The following CDH13 variants were observed in gnomAD, a reference collection of about 807,000 sequenced individuals.
CDH13 encodes cadherin-13.
In CDH13, 24 loss-of-function variants were observed where a neutral mutation model predicts 63.8. The observed-to-expected ratio is 0.38, with a 90% confidence interval of 0.27 to 0.53. The LOEUF (loss-of-function observed/expected upper bound fraction) is 0.53. Ranked by LOEUF, CDH13 falls within the 20% of genes least tolerant of loss-of-function variation. The pLI, the probability that CDH13 is intolerant of heterozygous loss-of-function variation, is 0.85. For synonymous variants in CDH13, 503 were observed against 355.3 expected (o/e 1.42, Z -4.67); for missense variants, 1,049 against 903.1 (o/e 1.16, Z -2.07).
intron 8 of CDH13, among the ~76,000 whole-genome samples, chr16:83,607,901 T>C (rs11149582): frequency 0.2 from 30,907 of 152,086 alleles, 3,157 homozygotes; most frequent in Middle Eastern, 0.34. Context: ...CATTCTTGTC[T>C]CTTAGGTTAT....
intron 5 of CDH13, among the ~76,000 whole-genome samples, chr16:83,242,868 C>T (rs1904602834): frequency 6.6e-6 from 1 of 152,180 alleles, no homozygotes; most frequent in South Asian, 2.1e-4. Flanking sequence ...CAGCTGGATT[C>T]TCATCTTCTC....
intron 9 of CDH13, among the ~76,000 whole-genome samples, chr16:83,676,310 T>A (rs979853018): frequency 6.6e-6 from 1 of 152,206 alleles, no homozygotes; most frequent in African/African-American, 2.4e-5. Flanking sequence ...TTGTGATTAG[T>A]GCTGGTGTGG....
At chr16:83,780,971 T>G (rs1915479009) in intron 12 of CDH13, among the ~76,000 whole-genome samples, 1 of 152,222 alleles carries the variant, frequency 6.6e-6, no homozygotes, top group Non-Finnish European at 1.5e-5. Flanking sequence ...AGAATCTTTA[T>G]AGTCTTCAAC....
At chr16:83,080,871 GT>G (rs71148809) in intron 3 of CDH13, among the ~76,000 whole-genome samples, 25 of 46,954 alleles carry the variant, frequency 5.3e-4, no homozygotes, top group South Asian at 2.6e-3. Flanking sequence ...TTGTTTTTGT[GT>G]TTTTTTTTTT....
At chr16:82,809,550 A>T (rs573238219) in intron 1 of CDH13, among the ~76,000 whole-genome samples, 1 of 152,272 alleles carries the variant, frequency 6.6e-6, no homozygotes, top group South Asian at 2.1e-4. Context: ...CTAACCCTGA[A>T]ATCAGGTCTG....
At chr16:83,360,655 T>G (rs968477923) in intron 6 of CDH13, among the ~76,000 whole-genome samples, 4 of 152,182 alleles carry the variant, frequency 2.6e-5, no homozygotes, top group African/African-American at 4.8e-5. Context: ...TTGCCATTTT[T>G]ATGTCTAAGA....
intron 5 of CDH13, among the ~76,000 whole-genome samples, chr16:83,319,622 A>G (rs2090177937): frequency 1.3e-5 from 2 of 152,244 alleles, no homozygotes; most frequent in South Asian, 4.1e-4. Flanking sequence ...TAAGTTTTAA[A>G]TTACTAAACA....
intron 3 of CDH13, among the ~76,000 whole-genome samples, chr16:83,099,382 G>C (rs975139941): frequency 6.6e-6 from 1 of 151,684 alleles, no homozygotes; most frequent in African/African-American, 2.4e-5. Flanking sequence ...GGAGTGCAAC[G>C]GTGCAATCTC....
chr16:82,644,892 T>C lies in CDH13; in HGVS notation c.45+17755T>C, dbSNP rs1433458651. ...ATACTGGTTCCATGGGAGGTTAATA[T>C]GGGTTCTGGGGAAAAAAAATTAGGG... On this transcript the variant is annotated intron_variant, in intron 1 of 13. Coordinates refer to ENST00000567109, the MANE Select transcript of CDH13 (RefSeq NM_001257.5). The surrounding 1 kb of genome is among the most constrained non-coding windows in gnomAD (Gnocchi z 5.7). Among the ~76,000 whole-genome samples the C allele has an allele frequency of 6.6e-6, 1 of 152,164 alleles. No homozygotes were observed. The highest frequency in any genetic ancestry group is 1.5e-5 in the Non-Finnish European group (1 of 68,024).
intron 1 of CDH13, among the ~76,000 whole-genome samples, chr16:82,846,348 T>C (rs1261181378): frequency 6.6e-6 from 1 of 151,810 alleles, no homozygotes; most frequent in Non-Finnish European, 1.5e-5. Context: ...TATTAATGTA[T>C]ACTTATTATA....
chr16:83,210,757 G>T (rs547030306), intron 4 of CDH13, among the ~76,000 whole-genome samples: 3 of 151,654 alleles, frequency 2.0e-5, no homozygotes, highest in Non-Finnish European at 4.4e-5. Context: ...ATTCAAGAAA[G>T]TGAGAACCTA....
intron 2 of CDH13, among the ~76,000 whole-genome samples, chr16:82,997,006 T>C (rs1431051497): frequency 1.4e-5 from 2 of 144,958 alleles, no homozygotes; most frequent in African/African-American, 5.7e-5. Context: ...ATGATGATAG[T>C]GATGGTGATG....
At chr16:82,849,903 C>G (rs142102344) in intron 1 of CDH13, among the ~76,000 whole-genome samples, 5 of 152,206 alleles carry the variant, frequency 3.3e-5, no homozygotes, top group Non-Finnish European at 5.9e-5. Flanking sequence ...TTTAAGCCCA[C>G]TATTGAGAAC....
At chr16:83,074,946 C>T (rs963825664) in intron 3 of CDH13, among the ~76,000 whole-genome samples, 5 of 152,208 alleles carry the variant, frequency 3.3e-5, no homozygotes, top group Non-Finnish European at 7.3e-5. Context: ...TCTGAGGACA[C>T]GTGCAGCCTA....
intron 6 of CDH13, 28 bp downstream of exon 6, chr16:83,345,034 T>C: frequency 6.2e-7 from 1 of 1,609,434 alleles, no homozygotes. Context: ...ACCTTTAGCG[T>C]AATGGCTTGG....
chr16:83,449,909 G>T (rs773361426), intron 6 of CDH13, among the ~76,000 whole-genome samples: 1 of 152,336 alleles, frequency 6.6e-6, no homozygotes, highest in Non-Finnish European at 1.5e-5. Context: ...GACGGCTGCT[G>T]TTTCTGTTTT....
At chr16:83,700,387 A>G (rs1467394637) in intron 10 of CDH13, among the ~76,000 whole-genome samples, 1 of 152,206 alleles carries the variant, frequency 6.6e-6, no homozygotes, top group Non-Finnish European at 1.5e-5. Flanking sequence ...CTCTGTCTTT[A>G]GAAACCCATG....
At chr16:83,500,636 G>C (rs1195999952) in intron 7 of CDH13, among the ~76,000 whole-genome samples, 1 of 133,306 alleles carries the variant, frequency 7.5e-6, no homozygotes, top group Non-Finnish European at 1.6e-5. Context: ...GCAATGGCAC[G>C]ATCTTGGCTT....
intron 2 of CDH13, among the ~76,000 whole-genome samples, chr16:82,967,205 TG>T (rs1386550350): frequency 6.6e-6 from 1 of 152,108 alleles, no homozygotes; most frequent in African/African-American, 2.4e-5. Flanking sequence ...AAATAATCTC[TG>T]CCACCCCCAC....
Sources: allele counts gnomAD v4.1 joint callset (sites outside exome capture counted in the v4.1 genomes callset), GRCh38; gene constraint gnomAD v4.1.1; non-coding constraint Gnocchi (gnomAD v3.1); transcripts MANE v1.5; gene names NCBI Gene and HGNC (gene_info 2026-07-23, HGNC 2026-07-21).